The following NELL1 variants were observed in gnomAD, a reference collection of about 807,000 sequenced individuals.
NELL1 encodes the protein protein kinase C-binding protein NELL1.
NELL1 carries 76 observed loss-of-function variants against 107.4 expected under a neutral mutation model. The ratio of observed to expected loss-of-function variants is 0.71; its 90% CI spans 0.59 to 0.86. NELL1 has a LOEUF of 0.86. Ranked by LOEUF, NELL1 falls within the 40% of genes least tolerant of loss-of-function variation. The probability of loss-of-function intolerance (pLI) is 0.00; values close to 1 mark genes in which losing one functional copy is unlikely to be tolerated. For synonymous variants in NELL1, 353 were observed against 341.2 expected (o/e 1.03, Z -0.38); for missense variants, 1,024 against 1,005.5 (o/e 1.02, Z -0.25).
At chr11:20,904,255 G>T (rs1350281507) in intron 5 of NELL1, among the ~76,000 whole-genome samples, 1 of 151,288 alleles carries the variant, frequency 6.6e-6, no homozygotes, top group African/African-American at 2.4e-5. Context: ...TTGATTTATT[G>T]CATATTTCAA....
At chr11:21,272,033 T>C (rs975271051) in intron 14 of NELL1, among the ~76,000 whole-genome samples, 2 of 152,184 alleles carry the variant, frequency 1.3e-5, no homozygotes, top group Non-Finnish European at 2.9e-5. Context: ...TTCATCTCAC[T>C]GGGGAGTGTC....
Position 20,855,960 on chromosome 11 carries a change from C to T in NELL1, c.506+8207C>T, listed in dbSNP as rs557602220. On this transcript the variant is annotated intron_variant, in intron 4 of 19. Transcript: ENST00000357134. ...GGGATGCTGATGTCGTTGAAAAGAA[C>T]GGATTTTCTATACTACTGTAACAAG... is the stretch of plus-strand genomic sequence containing the variant. 1.6e-4 allele frequency among the ~76,000 whole-genome samples: 25 copies of T among 152,270 alleles called. No individual in the cohort carries two copies. In the South Asian group the frequency reaches 3.1e-3, roughly 19 times the overall value.
chr11:20,743,214 T>A (rs1033885315), intron 2 of NELL1, among the ~76,000 whole-genome samples: 1 of 151,878 alleles, frequency 6.6e-6, no homozygotes, highest in Admixed American at 6.6e-5. Flanking sequence ...ATTAGCCAGG[T>A]GTGATGGCGC....
chr11:20,762,177 T>C (rs1564898235), intron 2 of NELL1, among the ~76,000 whole-genome samples: 1 of 152,226 alleles, frequency 6.6e-6, no homozygotes, highest in Non-Finnish European at 1.5e-5. Flanking sequence ...CCTAATTGTT[T>C]AGAAATGTGC....
intron 2 of NELL1, among the ~76,000 whole-genome samples, chr11:20,706,436 C>T (rs1023870694): frequency 6.9e-6 from 1 of 145,364 alleles, no homozygotes; most frequent in Admixed American, 7.2e-5. Flanking sequence ...CCAAACACCG[C>T]ATGTTTTTAC....
At chr11:20,916,267 C>G (rs1001326880) in intron 5 of NELL1, among the ~76,000 whole-genome samples, 18 of 151,878 alleles carry the variant, frequency 1.2e-4, no homozygotes, top group Admixed American at 2.0e-4. Context: ...ACGCAGGTAC[C>G]ACAGATTAAA....
At chr11:20,922,035 A>G (rs558449012) in intron 7 of NELL1, among the ~76,000 whole-genome samples, 13 of 152,226 alleles carry the variant, frequency 8.5e-5, no homozygotes, top group African/African-American at 2.6e-4. Flanking sequence ...CAAGGTCTGA[A>G]CATGAAAGTT....
chr11:21,362,250 A>G (rs1173358249), intron 14 of NELL1, among the ~76,000 whole-genome samples: 5 of 152,126 alleles, frequency 3.3e-5, no homozygotes, highest in Non-Finnish European at 5.9e-5. Context: ...GGACTGCAGT[A>G]ATTGTTATGG....
intron 12 of NELL1, among the ~76,000 whole-genome samples, chr11:20,976,331 C>T (rs1425873328): frequency 6.6e-6 from 1 of 151,770 alleles, no homozygotes; most frequent in African/African-American, 2.4e-5. Context: ...TAGTAATTGG[C>T]CAAAACACAA....
chr11:20,680,319 A>T (rs1409786865), intron 2 of NELL1, among the ~76,000 whole-genome samples: 1 of 152,128 alleles, frequency 6.6e-6, no homozygotes, highest in Non-Finnish European at 1.5e-5. Flanking sequence ...CATGCAAAAT[A>T]CATTCACCCC....
intron 12 of NELL1, among the ~76,000 whole-genome samples, chr11:21,050,039 C>T (rs1853454074): frequency 6.6e-6 from 1 of 152,100 alleles, no homozygotes; most frequent in Non-Finnish European, 1.5e-5. Flanking sequence ...CACAAGCAAA[C>T]GCAGATGTAG....
intron 2 of NELL1, among the ~76,000 whole-genome samples, chr11:20,735,929 G>C (rs1240739963): frequency 6.6e-6 from 1 of 152,106 alleles, no homozygotes; most frequent in Non-Finnish European, 1.5e-5. Context: ...TAGAGGGGTT[G>C]CTAATTGCAG....
At chr11:21,015,954 G>A (rs1233800175) in intron 12 of NELL1, among the ~76,000 whole-genome samples, 1 of 152,058 alleles carries the variant, frequency 6.6e-6, no homozygotes, top group African/African-American at 2.4e-5. Flanking sequence ...GCAATGTGTA[G>A]AGCTTTTGTG....
In NELL1 at chr11:21,249,428, T is replaced by A. The variant is rs183423192; in HGVS notation, c.1549+19974T>A. 5.8e-3 allele frequency among the ~76,000 whole-genome samples: 864 copies of A among 150,148 alleles called. 12 individuals carry two copies. Among genetic ancestry groups the A allele is most frequent in the African/African-American group, 0.019 (799 of 41,012 alleles). ...TCTTATTCACTAAAACAGTTACTTA[T>A]TTTTTTTTTCATATTTGATAGCAGC... On this transcript the variant is annotated intron_variant, in intron 14 of 19. Transcript: ENST00000357134.
intron 17 of NELL1, among the ~76,000 whole-genome samples, chr11:21,562,738 T>C (rs1856880024): frequency 6.6e-6 from 1 of 152,040 alleles, no homozygotes; most frequent in South Asian, 2.1e-4. Context: ...TTCAATCATA[T>C]CCTTGATGTT....
chr11:20,982,235 G>T (rs137988412), intron 12 of NELL1, among the ~76,000 whole-genome samples: 2 of 152,074 alleles, frequency 1.3e-5, no homozygotes, highest in African/African-American at 2.4e-5. Context: ...GAGAATTCAC[G>T]TTCACTCAAA....
At chr11:20,731,188 G>A (rs1241589037) in intron 2 of NELL1, among the ~76,000 whole-genome samples, 14 of 152,190 alleles carry the variant, frequency 9.2e-5, no homozygotes, top group African/African-American at 2.9e-4. Context: ...ACCTGAGGAG[G>A]TCTGCACTTA....
At chr11:21,566,249 C>T (rs757766967) in intron 17 of NELL1, among the ~76,000 whole-genome samples, 4 of 151,876 alleles carry the variant, frequency 2.6e-5, no homozygotes, top group South Asian at 2.1e-4. Context: ...ATCTGACCTA[C>T]GTCCACCTTC....
chr11:21,006,094 G>A (rs1240712119), intron 12 of NELL1, among the ~76,000 whole-genome samples: 4 of 152,062 alleles, frequency 2.6e-5, no homozygotes, highest in African/African-American at 7.2e-5. Flanking sequence ...ATCTAGTGAA[G>A]TTCCAGGATG....
Sources: allele counts gnomAD v4.1 joint callset (sites outside exome capture counted in the v4.1 genomes callset), GRCh38; gene constraint gnomAD v4.1.1; transcripts MANE v1.5; gene names NCBI Gene and HGNC (gene_info 2026-07-23, HGNC 2026-07-21).